The following TIPIN variants were observed in gnomAD, a reference collection of about 807,000 sequenced individuals.
TIPIN encodes the protein TIMELESS-interacting protein.
Under a neutral mutation model 35.6 loss-of-function variants are expected in TIPIN, and 29 were observed. The ratio of observed to expected loss-of-function variants is 0.82; its 90% CI spans 0.61 to 1.11. The LOEUF is 1.11. Among genes scored for constraint, TIPIN ranks in the 50% most tolerant of loss-of-function variants. TIPIN has a pLI of 0.00. For synonymous variants in TIPIN, 102 were observed against 121.5 expected (o/e 0.84, Z 1.06); for missense variants, 296 against 345.4 (o/e 0.86, Z 1.13).
intron 1 of TIPIN, among the ~76,000 whole-genome samples, chr15:66,353,380 G>A (rs2093181555): frequency 6.6e-6 from 1 of 152,072 alleles, no homozygotes; most frequent in Non-Finnish European, 1.5e-5. Context: ...CACTTTGGGA[G>A]GCCGAGGCGG....
intron 1 of TIPIN, among the ~76,000 whole-genome samples, chr15:66,362,274 G>C (rs557054238): frequency 1.1e-4 from 17 of 150,924 alleles, no homozygotes; most frequent in African/African-American, 3.7e-4. Flanking sequence ...CTGCATTCGA[G>C]CCTGGGCAAC....
intron 2 of TIPIN, 124 bp from the exon 3 acceptor site, chr15:66,352,331 C>T (rs2093173804): frequency 1.4e-6 from 1 of 710,622 alleles, no homozygotes; most frequent in African/African-American, 1.8e-5. Context: ...CAGGGTCTCA[C>T]TCTGTTGCCC....
intron 1 of TIPIN, among the ~76,000 whole-genome samples, chr15:66,378,013 T>C (rs1177449745): frequency 6.8e-6 from 1 of 147,094 alleles, no homozygotes; most frequent in Non-Finnish European, 1.5e-5. Flanking sequence ...GCCCAGCTAA[T>C]TTTTTTTTTT....
intron 1 of TIPIN, chr15:66,386,278 G>A (rs534288299): frequency 1.3e-5 from 2 of 151,046 alleles, no homozygotes; most frequent in East Asian, 1.9e-4. Context: ...GGCAACTGAG[G>A]GAGACACCGT....
upstream of TIPIN, among the ~76,000 whole-genome samples, chr15:66,361,416 C>T (rs1000667993): frequency 2.6e-5 from 4 of 151,500 alleles, no homozygotes; most frequent in East Asian, 2.0e-4. Flanking sequence ...CCACCACGCC[C>T]GGCTAATTTT....
At chr15:66,364,665 A>G (rs2093246289) in intron 1 of TIPIN, among the ~76,000 whole-genome samples, 1 of 152,110 alleles carries the variant, frequency 6.6e-6, no homozygotes, top group Non-Finnish European at 1.5e-5. Context: ...GGGTTCAACA[A>G]AGTATGGAGA....
Position 66,356,675 on chromosome 15 carries a change from G to C in TIPIN, c.-45C>G, listed in dbSNP as rs1017030917. 1.0e-6 allele frequency: 1 copy of C among 985,550 alleles called. No homozygotes were observed. The highest frequency in any genetic ancestry group is 1.2e-6 in the Non-Finnish European group (1 of 830,108). The allele number at this position is 985,550 out of a possible 1,614,324, so 61.1% of individuals were successfully genotyped here. On this transcript the variant is annotated 5_prime_UTR_variant, in exon 1 of 8. Coordinates refer to ENST00000261881, the MANE Select transcript of TIPIN (RefSeq NM_017858.3). ...AACACGGGACACAGCGCGGACCTCG[G>C]CGTGCAGACTAAGCGCGCTTCTCGC...
Position 66,352,138 on chromosome 15 carries a change from TC to T in TIPIN, c.202del (p.Asp68MetfsTer5). ...RTVKRNIPKL[D>X]AQRLISERGL... ...AATATAGTAAATGTACCTCTGAGCA[TC>T]CAGCTTGGGTATATTTCTTTTAACT... On this transcript the variant is annotated frameshift_variant, in exon 3 of 8. Coordinates refer to ENST00000261881, the MANE Select transcript of TIPIN (RefSeq NM_017858.3). LOFTEE classifies it high-confidence loss of function. The T allele has an allele frequency of 6.2e-7, 1 of 1,604,476 alleles. No individual in the cohort carries two copies. Among genetic ancestry groups the T allele is most frequent in the Non-Finnish European group, 8.5e-7 (1 of 1,175,230 alleles).
chr15:66,341,373 A>G lies in TIPIN; in HGVS notation c.476-17T>C. 6.3e-7 allele frequency: 1 copy of G among 1,598,956 alleles called. No individual in the cohort carries two copies. The highest frequency in any genetic ancestry group is 8.5e-7 in the Non-Finnish European group (1 of 1,171,718). On this transcript the variant is annotated splice_polypyrimidine_tract_variant and intron_variant, in intron 6 of 7. Transcript: ENST00000261881. ...CAACTTCATCTGCAATAGAAAAGAA[A>G]TAGTACATCTGTGGTGTTAGACTAG...
intron 7 of TIPIN, among the ~76,000 whole-genome samples, chr15:66,339,886 T>C (rs2093072640): frequency 6.6e-6 from 1 of 152,078 alleles, no homozygotes; most frequent in African/African-American, 2.4e-5. Flanking sequence ...TTTTTTTTTT[T>C]TGAGACGGAG....
intron 1 of TIPIN, chr15:66,383,052 G>C (rs1306865785): frequency 1.0e-6 from 1 of 966,512 alleles, no homozygotes; most frequent in Non-Finnish European, 1.2e-6. Flanking sequence ...TAAGGGCTTA[G>C]GGTTTACTCA....
Position 66,349,391 on chromosome 15 carries a change from TGTGCCCA to T in TIPIN, c.328_334del (p.Trp110IlefsTer29), listed in dbSNP as rs765625986. 7.2e-5 allele frequency: 116 copies of T among 1,613,988 alleles called. No individual in the cohort carries two copies. Among genetic ancestry groups the T allele is most frequent in the South Asian group, 1.1e-4 (10 of 91,068 alleles). Reference sequence around the variant, plus strand: ...AAACTGCAGTTTAGGGAATAGCCTATGTGCCCAGTGCTCCATGTGTCTGATTAGCATC... The same window carrying T: ...AAACTGCAGTTTAGGGAATAGCCTATGTGCTCCATGTGTCTGATTAGCATC... On this transcript the variant is annotated frameshift_variant, in exon 5 of 8. Transcript: ENST00000261881. LOFTEE classifies it high-confidence loss of function.
At chr15:66,338,389 AAC>A (rs894467104) in intron 7 of TIPIN, among the ~76,000 whole-genome samples, 8 of 152,204 alleles carry the variant, frequency 5.3e-5, no homozygotes, top group African/African-American at 1.9e-4. Flanking sequence ...GTATATGATA[AAC>A]AGAGGTGAGC....
chr15:66,374,216 G>T (rs1399548562), intron 1 of TIPIN, among the ~76,000 whole-genome samples: 1 of 151,978 alleles, frequency 6.6e-6, no homozygotes, highest in South Asian at 2.1e-4. Context: ...GACTACAGAA[G>T]TATGATCCCC....
At chr15:66,384,448 CCAT>C (rs2093329274) in intron 1 of TIPIN, among the ~76,000 whole-genome samples, 1 of 151,988 alleles carries the variant, frequency 6.6e-6, no homozygotes, top group Non-Finnish European at 1.5e-5. Context: ...GTGCCCACCA[CCAT>C]GCCTGGCTAA....
chr15:66,358,305 A>G, upstream of TIPIN, among the ~76,000 whole-genome samples: 1 of 152,204 alleles, frequency 6.6e-6, no homozygotes, highest in East Asian at 1.9e-4. Flanking sequence ...TGTATTAACT[A>G]TTCAAAAAAC....
intron 1 of TIPIN, among the ~76,000 whole-genome samples, chr15:66,372,772 G>A (rs2093282168): frequency 6.6e-6 from 1 of 152,086 alleles, no homozygotes; most frequent in Non-Finnish European, 1.5e-5. Flanking sequence ...GTGTGGGGGC[G>A]GGGGCCTGTA....
chr15:66,359,133 C>G (rs922407848), upstream of TIPIN, among the ~76,000 whole-genome samples: 1 of 149,120 alleles, frequency 6.7e-6, no homozygotes, highest in East Asian at 2.0e-4. Context: ...GCCTGGGTAA[C>G]AGAGTGAGAC....
intron 1 of TIPIN, among the ~76,000 whole-genome samples, chr15:66,377,640 G>T (rs1428665174): frequency 6.6e-6 from 1 of 151,670 alleles, no homozygotes; most frequent in African/African-American, 2.4e-5. Flanking sequence ...TGGGATTACA[G>T]GCGTGAGCCA....
Sources: allele counts gnomAD v4.1 joint callset (sites outside exome capture counted in the v4.1 genomes callset), GRCh38; gene constraint gnomAD v4.1.1; transcripts MANE v1.5; gene names NCBI Gene and HGNC (gene_info 2026-07-23, HGNC 2026-07-21).